The following UNC80 variants were observed in gnomAD, a reference collection of about 807,000 sequenced individuals.
UNC80 encodes unc-80 subunit of NALCN channel complex.
In UNC80, 164 loss-of-function variants were observed where a neutral mutation model predicts 384.6. That is an observed-to-expected ratio of 0.43 (90% CI 0.38 to 0.49). The LOEUF is 0.49. UNC80 is among the 20% of genes least tolerant of loss of function. The probability of loss-of-function intolerance (pLI) is 0.00; values close to 1 mark genes in which losing one functional copy is unlikely to be tolerated. For missense variants in UNC80, 3,330 were observed against 4,143.0 expected (o/e 0.80, Z 5.39); for synonymous variants, 1,486 against 1,527.8 (o/e 0.97, Z 0.64).
chr2:209,773,181 C>G (rs2076679334), intron 2 of UNC80, 39 bp downstream of exon 2: 2 of 1,566,276 alleles, frequency 1.3e-6, no homozygotes, highest in African/African-American at 2.7e-5. Flanking sequence ...TTTCCCTATT[C>G]TGTGTGGTGG....
Position 209,878,089 on chromosome 2 carries a change from A to G in UNC80, c.3976A>G (p.Ser1326Gly). ...TGAGGAGGAAGACTTTTTAGATGAC[A>G]GTAAGGAGACTCCCTTTACTACAAG... ...EDEEEDFLDD[S>G]TVNPSKCGCP... Residue 1326 changes from serine to glycine, a missense_variant and splice_region_variant, in exon 24 of 65, where the codon AGT becomes GGT. Physicochemically the swap from Ser to Gly is moderately conservative, Grantham distance 56 (BLOSUM62 0). Coordinates refer to ENST00000673920, the MANE Select transcript of UNC80 (RefSeq NM_001371986.1). 6.5e-7 allele frequency: 1 copy of G among 1,531,438 alleles called. No homozygotes were observed. Among genetic ancestry groups the G allele is most frequent in the Non-Finnish European group, 8.8e-7 (1 of 1,138,284 alleles). The allele number at this position is 1,531,438 out of a possible 1,614,324, so 94.9% of individuals were successfully genotyped here. A position where few individuals can be genotyped will look rare whatever the true frequency, so the allele number is the denominator to read the frequency against.
chr2:209,903,293 G>GTA (rs1367390919), intron 28 of UNC80, among the ~76,000 whole-genome samples: 3 of 117,436 alleles, frequency 2.6e-5, no homozygotes, highest in Non-Finnish European at 3.4e-5. Flanking sequence ...GTGTGTGTGT[G>GTA]TATATACAAT....
At chr2:209,851,231 T>C (rs911325843) in intron 22 of UNC80, among the ~76,000 whole-genome samples, 3 of 152,108 alleles carry the variant, frequency 2.0e-5, no homozygotes, top group Admixed American at 6.6e-5. Flanking sequence ...AGTGCTGATA[T>C]GAGTGGAAGA....
At chr2:209,923,132 T>C (rs2090163452) in intron 35 of UNC80, among the ~76,000 whole-genome samples, 1 of 152,218 alleles carries the variant, frequency 6.6e-6, no homozygotes, top group Non-Finnish European at 1.5e-5. Flanking sequence ...GCCAAAAGGC[T>C]GAGAAGCGAG....
intron 22 of UNC80, among the ~76,000 whole-genome samples, chr2:209,871,562 C>T (rs2084295956): frequency 6.6e-6 from 1 of 152,068 alleles, no homozygotes; most frequent in Non-Finnish European, 1.5e-5. Context: ...TCTGTGGTTA[C>T]TGAGTAACCT....
At chr2:209,988,828 T>C (rs898628535) in intron 61 of UNC80, among the ~76,000 whole-genome samples, 11 of 152,208 alleles carry the variant, frequency 7.2e-5, no homozygotes, top group Admixed American at 2.0e-4. Flanking sequence ...CTCTAAGACC[T>C]AGATTATATG....
Position 209,995,496 on chromosome 2 carries a change from G to C in UNC80, c.9876G>C (p.Glu3292Asp). The C allele has an allele frequency of 6.4e-7, 1 of 1,551,864 alleles. No individual in the cohort carries two copies. Among genetic ancestry groups the C allele is most frequent in the Non-Finnish European group, 8.7e-7 (1 of 1,147,052 alleles). ...QHGDTVLHIS[E>D]ENGMENPLLS... The stretch of plus-strand genomic sequence containing the variant: ...GAGACACTGTCCTTCATATCAGTGA[G>C]GAAAATGGCATGGAGAACCCGCTAC... Residue 3292 changes from glutamate to aspartate, a missense_variant, in exon 65 of 65, where the codon GAG becomes GAC. This residue lies in a region of UNC80 where 236 missense variants were observed against 254.9 expected (regional missense o/e 0.93). Transcript: ENST00000673920.
At position 209,791,819 on chromosome 2, in the gene UNC80, CAAAAAAAAAAAAAA is replaced by C. The variant is rs71043949; in HGVS notation, c.799-1885_799-1872del. ...TGGGCGACAGAGTGAGACTCCGTCT[CAAAAAAAAAAAAAA>C]AAAAAAAAAAAAAAAGATCTCAATT... On this transcript the variant is annotated intron_variant, in intron 6 of 64. Coordinates refer to ENST00000673920, the MANE Select transcript of UNC80 (RefSeq NM_001371986.1). 1.5e-4 allele frequency among the ~76,000 whole-genome samples: 8 copies of C among 52,144 alleles called. No homozygotes were observed. The East Asian group carries it at 4.2e-3, about 28-fold the overall frequency. The allele number at this position is 52,144 out of a possible 152,430, so 34.2% of individuals were successfully genotyped here.
In UNC80 at chr2:209,926,910, A is replaced by G; in HGVS notation, c.5730A>G (p.Pro1910=). 1.3e-6 allele frequency: 2 copies of G among 1,552,300 alleles called. No individual in the cohort carries two copies. Among genetic ancestry groups the G allele is most frequent in the African/African-American group, 2.7e-5 (2 of 73,162 alleles). Residue 1910 remains proline (P), a synonymous_variant, in exon 36 of 65, where the codon CCA becomes CCG. Transcript: ENST00000673920. The part of the protein sequence containing the change: ...HVPQPPQAVF[P]ACICAAVLPI... ...CTCAGCCCCCACAAGCAGTGTTCCC[A>G]GCATGCATCTGTGCAGCAGTACTTC...
At chr2:209,795,362 A>G (rs1316168551) in intron 7 of UNC80, 2 of 152,284 alleles carry the variant, frequency 1.3e-5, no homozygotes, top group Non-Finnish European at 2.9e-5. Context: ...AAAGGGAAAC[A>G]GAGCATAAAA....
rs1207183295 is a variant in UNC80 at position 209,991,912 on chromosome 2, A to G, written c.9315-254A>G. Among the ~76,000 whole-genome samples the G allele has an allele frequency of 1.2e-4, 18 of 152,206 alleles. 1 individual carries two copies. The highest frequency in any genetic ancestry group is 1.1e-3 in the Admixed American group (17 of 15,286). On this transcript the variant is annotated intron_variant, in intron 61 of 64. Transcript: ENST00000673920. ...CCAAACCAGGGGTGTGATCAAACCA[A>G]TGTTTTCTGAATGATAGATACGGCA...
chr2:209,849,351 C>T, intron 21 of UNC80, 100 bp from the exon 22 acceptor site: 4 of 1,343,426 alleles, frequency 3.0e-6, no homozygotes, highest in Admixed American at 4.5e-5. Flanking sequence ...CTGGCCAACA[C>T]TGTAGAAAAC....
At chr2:209,775,580 T>G (rs1386883106) in intron 2 of UNC80, among the ~76,000 whole-genome samples, 2 of 152,246 alleles carry the variant, frequency 1.3e-5, no homozygotes, top group Non-Finnish European at 2.9e-5. Context: ...TTAAATGTTT[T>G]GTTCCTATTT....
chr2:209,886,693 T>C (rs1033752958), intron 25 of UNC80, among the ~76,000 whole-genome samples: 1 of 152,228 alleles, frequency 6.6e-6, no homozygotes, highest in Non-Finnish European at 1.5e-5. Flanking sequence ...CTGGCCTTCA[T>C]GCATGAGGTT....
At chr2:209,848,795 T>G (rs552762056) in intron 21 of UNC80, among the ~76,000 whole-genome samples, 1 of 152,266 alleles carries the variant, frequency 6.6e-6, no homozygotes, top group South Asian at 2.1e-4. Flanking sequence ...GGTTCCCGCA[T>G]TTTTCCATTA....
intron 2 of UNC80, among the ~76,000 whole-genome samples, 183 bp from the exon 3 acceptor site, chr2:209,775,706 C>A (rs777643624): frequency 1.3e-5 from 2 of 152,162 alleles, no homozygotes; most frequent in Non-Finnish European, 2.9e-5. Context: ...TGACCCATTG[C>A]ACATCAACAT....
chr2:209,915,219 A>G (rs2089391319), intron 31 of UNC80, among the ~76,000 whole-genome samples: 1 of 152,012 alleles, frequency 6.6e-6, no homozygotes, highest in African/African-American at 2.4e-5. Context: ...CCTGGCTAAC[A>G]TGGTGAAACC....
chr2:209,808,919 C>A (rs1574533588), intron 7 of UNC80: 1 of 300,664 alleles, frequency 3.3e-6, no homozygotes, highest in Non-Finnish European at 6.4e-6. Flanking sequence ...TACCACCAGG[C>A]CCACCTTAAC....
chr2:209,836,063 C>T (rs1279406224), intron 18 of UNC80, among the ~76,000 whole-genome samples: 1 of 151,652 alleles, frequency 6.6e-6, no homozygotes, highest in Non-Finnish European at 1.5e-5. Flanking sequence ...TAGGCTTGCT[C>T]ATACTAGGCA....
Sources: gnomAD v4.1 joint callset for allele counts (sites outside exome capture counted in the v4.1 genomes callset) on GRCh38, gnomAD v4.1.1 for gene constraint, gnomAD v4.1.1 regional missense constraint, MANE v1.5 for transcripts, NCBI Gene and HGNC (gene_info 2026-07-23, HGNC 2026-07-21) for gene names.